IQCM: variants seen among roughly 807,000 people sequenced by gnomAD.
IQCM encodes the protein IQ motif containing M.
A neutral mutation model predicts 57.6 loss-of-function variants in IQCM; 45 were observed. The ratio of observed to expected loss-of-function variants is 0.78; its 90% CI spans 0.62 to 1.00. The LOEUF is 1.00. Among genes scored for constraint, IQCM ranks in the 50% least tolerant of loss-of-function variants. IQCM has a pLI of 0.00. For synonymous variants in IQCM, 148 were observed against 158.9 expected (o/e 0.93, Z 0.51); for missense variants, 468 against 511.6 (o/e 0.91, Z 0.82).
chr4:149,647,497 A>G (rs759214607), intron 7 of IQCM, among the ~76,000 whole-genome samples: 1 of 152,126 alleles, frequency 6.6e-6, no homozygotes, highest in African/African-American at 2.4e-5. Flanking sequence ...TTTCTTAAAC[A>G]TAGTAAGGTT....
intron 2 of IQCM, among the ~76,000 whole-genome samples, chr4:149,758,573 GAT>G (rs1037597180): frequency 8.5e-5 from 13 of 152,214 alleles, no homozygotes; most frequent in African/African-American, 2.9e-4. Context: ...ACTTGCAAAA[GAT>G]ATATCTGATA....
At chr4:149,355,896 C>T (rs1728939299) in intron 13 of IQCM, among the ~76,000 whole-genome samples, 1 of 152,106 alleles carries the variant, frequency 6.6e-6, no homozygotes, top group Non-Finnish European at 1.5e-5. Context: ...CACATCCTCT[C>T]CAGCACCTGT....
intron 3 of IQCM, among the ~76,000 whole-genome samples, chr4:149,739,782 C>T (rs1489191771): frequency 6.6e-6 from 1 of 152,046 alleles, no homozygotes; most frequent in Non-Finnish European, 1.5e-5. Flanking sequence ...ATGAGTAGCT[C>T]TAATCCCAAA....
At chr4:149,543,505 G>A (rs1050454939) in intron 12 of IQCM, among the ~76,000 whole-genome samples, 22 of 145,726 alleles carry the variant, frequency 1.5e-4, no homozygotes, top group East Asian at 4.2e-4. Context: ...GATGATTTCC[G>A]ATTTCATCCA....
intron 5 of IQCM, among the ~76,000 whole-genome samples, chr4:149,719,242 G>T (rs2149849681): frequency 6.6e-6 from 1 of 151,988 alleles, no homozygotes; most frequent in South Asian, 2.1e-4. Context: ...TACTCGGGAG[G>T]CTGAGGCAGG....
chr4:149,458,812 T>A lies in IQCM; in HGVS notation c.1229-25255A>T, dbSNP rs574483917. On this transcript the variant is annotated intron_variant, in intron 12 of 13. Coordinates refer to ENST00000636793, the MANE Select transcript of IQCM (RefSeq NM_001363507.2). ...TTGATTAATAGGTTGCAAGCAGATA[T>A]AATCTATAAAAACTATTTAGTTTCC... 3.3e-5 allele frequency among the ~76,000 whole-genome samples: 5 copies of A among 152,262 alleles called. No individual in the cohort carries two copies. The South Asian group carries it at 8.3e-4, about 25-fold the overall frequency.
intron 13 of IQCM, among the ~76,000 whole-genome samples, chr4:149,388,569 CATAAATATATAT>C (rs1731606094): frequency 7.9e-6 from 1 of 126,542 alleles, no homozygotes; most frequent in Non-Finnish European, 1.6e-5. Context: ...TATTTATATA[CATAAATATATAT>C]ACATATATAC....
At chr4:149,366,585 T>C (rs1052159743) in intron 13 of IQCM, among the ~76,000 whole-genome samples, 1 of 151,960 alleles carries the variant, frequency 6.6e-6, no homozygotes, top group African/African-American at 2.4e-5. Flanking sequence ...TATGTCAATG[T>C]TTACCACTTT....
chr4:149,675,849 C>CAGAA (rs1464801973), intron 7 of IQCM, among the ~76,000 whole-genome samples: 1 of 151,928 alleles, frequency 6.6e-6, no homozygotes, highest in Non-Finnish European at 1.5e-5. Flanking sequence ...AGCAGCCATC[C>CAGAA]AGAAAGAGGA....
chr4:149,486,747 A>T (rs1425038392), intron 12 of IQCM, among the ~76,000 whole-genome samples: 1 of 152,128 alleles, frequency 6.6e-6, no homozygotes, highest in Non-Finnish European at 1.5e-5. Flanking sequence ...CTCCGTCTCC[A>T]AAAACAAACA....
At chr4:149,633,439 A>G (rs6814124) in intron 7 of IQCM, among the ~76,000 whole-genome samples, 76,193 of 151,826 alleles carry the variant, frequency 0.5, 19,441 homozygotes, top group South Asian at 0.59. Context: ...TTAATGCTTT[A>G]GGTGTTATCT....
intron 8 of IQCM, among the ~76,000 whole-genome samples, chr4:149,607,148 T>C (rs1754859050): frequency 6.6e-6 from 1 of 151,692 alleles, no homozygotes. Context: ...GATAAAGAAA[T>C]GACCCTAAAT....
At chr4:149,368,918 G>A (rs1276670514) in intron 13 of IQCM, among the ~76,000 whole-genome samples, 5 of 57,248 alleles carry the variant, frequency 8.7e-5, no homozygotes, top group East Asian at 4.2e-4. Flanking sequence ...ATATATATGT[G>A]TATATATATA....
At chr4:149,355,566 C>G (rs898282699) in intron 13 of IQCM, among the ~76,000 whole-genome samples, 1 of 152,044 alleles carries the variant, frequency 6.6e-6, no homozygotes, top group Non-Finnish European at 1.5e-5. Context: ...CTACAAAGGA[C>G]GTGAACTCAT....
chr4:149,695,579 C>T (rs1763274234), intron 5 of IQCM, among the ~76,000 whole-genome samples: 1 of 152,034 alleles, frequency 6.6e-6, no homozygotes, highest in African/African-American at 2.4e-5. Flanking sequence ...ATGAAATGAT[C>T]ACCACAGAAA....
intron 9 of IQCM, among the ~76,000 whole-genome samples, chr4:149,566,696 G>A (rs1446225155): frequency 6.6e-6 from 1 of 152,038 alleles, no homozygotes; most frequent in Non-Finnish European, 1.5e-5. Flanking sequence ...TGATTTGTCT[G>A]GTTTTCATAA....
intron 8 of IQCM, among the ~76,000 whole-genome samples, chr4:149,590,115 AT>A (rs1397653217): frequency 6.6e-6 from 1 of 151,956 alleles, no homozygotes; most frequent in Non-Finnish European, 1.5e-5. Context: ...TCAGACAAAC[AT>A]TCCTGAGGAT....
chr4:149,693,347 C>A (rs1421407586), intron 5 of IQCM, among the ~76,000 whole-genome samples: 1 of 152,134 alleles, frequency 6.6e-6, no homozygotes, highest in Non-Finnish European at 1.5e-5. Flanking sequence ...CTTGCTTAGA[C>A]CACTCTTGAG....
intron 13 of IQCM, among the ~76,000 whole-genome samples, chr4:149,427,879 T>G (rs553993873): frequency 6.6e-6 from 1 of 152,056 alleles, no homozygotes; most frequent in African/African-American, 2.4e-5. Context: ...TGAATGAGGA[T>G]ATACCCAAAC....
Sources: allele counts gnomAD v4.1 joint callset (sites outside exome capture counted in the v4.1 genomes callset), GRCh38; gene constraint gnomAD v4.1.1; transcripts MANE v1.5; gene names NCBI Gene and HGNC (gene_info 2026-07-23, HGNC 2026-07-21).